FBXO25: variants seen among roughly 807,000 people sequenced by gnomAD.
The protein encoded by FBXO25 is F-box only protein 25.
A neutral mutation model predicts 51.9 loss-of-function variants in FBXO25; 45 were observed. That is an observed-to-expected ratio of 0.87 (90% CI 0.68 to 1.11). The LOEUF is 1.11. Among genes scored for constraint, FBXO25 ranks in the 50% most tolerant of loss-of-function variants. The pLI, the probability that FBXO25 is intolerant of heterozygous loss-of-function variation, is 0.00. For missense variants in FBXO25, 507 were observed against 428.5 expected, an observed-to-expected ratio of 1.18 and a Z score of -1.62; for synonymous variants, 199 against 151.0, an observed-to-expected ratio of 1.32 and a Z score of -2.33.
At chr8:454,305 G>A (rs576011936) in intron 7 of FBXO25, among the ~76,000 whole-genome samples, 1 of 152,304 alleles carries the variant, frequency 6.6e-6, no homozygotes, top group South Asian at 2.1e-4. Context: ...TAATGAATTG[G>A]AAGTGCTTTC....
intron 2 of FBXO25, among the ~76,000 whole-genome samples, chr8:429,000 G>A (rs192391355): frequency 7.9e-5 from 12 of 152,312 alleles, no homozygotes; most frequent in African/African-American, 4.8e-5. Context: ...TGCTATGAAC[G>A]TGGGCATACA....
chr8:440,989 G>A lies in FBXO25; in HGVS notation c.381+5282G>A, dbSNP rs555272851. ...CATTTCCTTTATCCAGTCTATCACT[G>A]ATGGGCATTTGGGTTGGTTCCAAGT... is the stretch of plus-strand genomic sequence containing the variant. On this transcript the variant is annotated intron_variant, in intron 5 of 9. Coordinates refer to ENST00000350302, the MANE Select transcript of FBXO25 (RefSeq NM_183420.2). Among the ~76,000 whole-genome samples, 14 of 147,652 alleles carry A rather than the reference G, an allele frequency of 9.5e-5. No individual in the cohort carries two copies. The South Asian group carries it at 3.0e-3, about 31-fold the overall frequency.
At chr8:407,604 C>T (rs956872577) in intron 1 of FBXO25, among the ~76,000 whole-genome samples, 18 of 152,194 alleles carry the variant, frequency 1.2e-4, no homozygotes, top group African/African-American at 4.3e-4. Context: ...GTCCGCCTCG[C>T]TGGGCAAGGT....
Position 452,814 on chromosome 8 carries a change from C to G in FBXO25, c.660+1361C>G, listed in dbSNP as rs113044955. Among the ~76,000 whole-genome samples, 672 of 152,322 alleles carry G rather than the reference C, an allele frequency of 4.4e-3. 5 individuals are homozygous for G. The highest frequency in any genetic ancestry group is 0.015 in the African/African-American group (639 of 41,562). On this transcript the variant is annotated intron_variant, in intron 7 of 9. Coordinates refer to ENST00000350302, the MANE Select transcript of FBXO25 (RefSeq NM_183420.2). ...CGAAGCTCCAAGGATTGGGCCACAC[C>G]TCACCAAGAGGAGAGAAAGGAGAAA...
chr8:466,763 C>T (rs144919902), intron 9 of FBXO25, among the ~76,000 whole-genome samples: 1 of 152,114 alleles, frequency 6.6e-6, no homozygotes, highest in East Asian at 1.9e-4. Context: ...TCTTTTTTAA[C>T]TTTTCTACCT....
In FBXO25 at chr8:463,125, G is replaced by C; in HGVS notation, c.962G>C (p.Arg321Pro). ...TACGGAGACACACTGCATTTCTGTCGGCACTGCAGCATTCTCTTTTGGAAG... is the reference window on the plus strand; with the variant it reads ...TACGGAGACACACTGCATTTCTGTCCGCACTGCAGCATTCTCTTTTGGAAG... ...EQYGDTLHFC[R>P]HCSILFWKDS... Residue 321 changes from arginine (R) to proline (P), a missense_variant, in exon 9 of 10, where the codon CGG (arginine) becomes CCG (proline). Coordinates refer to ENST00000350302, the MANE Select transcript of FBXO25 (RefSeq NM_183420.2). 1.2e-6 allele frequency: 2 copies of C among 1,612,836 alleles called. No individual in the cohort carries two copies. Among genetic ancestry groups the C allele is most frequent in the Non-Finnish European group, 1.7e-6 (2 of 1,179,790 alleles).
intron 2 of FBXO25, among the ~76,000 whole-genome samples, chr8:419,868 C>G (rs1194335926): frequency 2.0e-5 from 3 of 152,078 alleles, no homozygotes; most frequent in Non-Finnish European, 4.4e-5. Flanking sequence ...AGTCACATAT[C>G]TGACAAAGGG....
chr8:455,859 C>T (rs1043611581), intron 7 of FBXO25, among the ~76,000 whole-genome samples: 2 of 152,180 alleles, frequency 1.3e-5, no homozygotes, highest in South Asian at 4.1e-4. Context: ...TGTCACATTT[C>T]GAGATTTCGT....
chr8:455,192 G>A (rs73669387), intron 7 of FBXO25, among the ~76,000 whole-genome samples: 5,981 of 152,300 alleles, frequency 0.039, 332 homozygotes, highest in African/African-American at 0.12. Context: ...ATTAGGACCA[G>A]ACTCAGGGCT....
At chr8:410,186 A>G (rs1463824390) in intron 1 of FBXO25, among the ~76,000 whole-genome samples, 1 of 152,212 alleles carries the variant, frequency 6.6e-6, no homozygotes, top group Non-Finnish European at 1.5e-5. Flanking sequence ...GATTGTGGAC[A>G]TATCTGTATG....
At chr8:407,589 C>T (rs549609965) in intron 1 of FBXO25, among the ~76,000 whole-genome samples, 260 of 152,174 alleles carry the variant, frequency 1.7e-3, no homozygotes, top group African/African-American at 6.0e-3. Context: ...CAGGCCCGAG[C>T]TTGTGTCCGC....
intron 2 of FBXO25, among the ~76,000 whole-genome samples, chr8:422,539 G>A (rs1282343640): frequency 6.6e-6 from 1 of 152,166 alleles, no homozygotes; most frequent in African/African-American, 2.4e-5. Flanking sequence ...GTTGAGCTGG[G>A]AGTACCATGC....
At chr8:458,903 C>A (rs919268366) in intron 8 of FBXO25, among the ~76,000 whole-genome samples, 1 of 152,194 alleles carries the variant, frequency 6.6e-6, no homozygotes, top group East Asian at 1.9e-4. Context: ...CCAAGCTGCA[C>A]ATCCTTGAAA....
rs1177412114 is a variant in FBXO25, at chr8:472,759, G to A, written c.*3955G>A. Reference sequence around the variant, plus strand: ...TTTTAATGGTTTTTCTTTTCATTGCGAAGGCCTAACTTAGTAGATAAGTGG... The same window carrying A: ...TTTTAATGGTTTTTCTTTTCATTGCAAAGGCCTAACTTAGTAGATAAGTGG... On this transcript the variant is annotated 3_prime_UTR_variant, in exon 10 of 10. Coordinates refer to ENST00000350302, the MANE Select transcript of FBXO25 (RefSeq NM_183420.2). The A allele has an allele frequency of 4.6e-5, 7 of 152,120 alleles. No individual in the cohort carries two copies. The highest frequency in any genetic ancestry group is 2.1e-4 in the South Asian group (1 of 4,830). 9.4% of individuals were successfully genotyped at this position (152,120 alleles called of 1,614,324 possible).
In FBXO25 at chr8:476,174, C is replaced by T. The variant is rs967185732; in HGVS notation, c.*7370C>T. 1 of 152,012 alleles carries T rather than the reference C, an allele frequency of 6.6e-6. No homozygotes were observed. The highest frequency in any genetic ancestry group is 1.5e-5 in the Non-Finnish European group (1 of 68,008). The allele number at this position is 152,012 out of a possible 1,614,324, so 9.4% of individuals were successfully genotyped here. ...ATGTAATAGACATTACATTTATTGA[C>T]TTGAGCATGTTGAAACATCTTTGCA... On this transcript the variant is annotated 3_prime_UTR_variant, in exon 10 of 10. Transcript: ENST00000350302.
intron 2 of FBXO25, among the ~76,000 whole-genome samples, chr8:427,110 A>G (rs1319091233): frequency 6.6e-6 from 1 of 152,204 alleles, no homozygotes; most frequent in East Asian, 1.9e-4. Context: ...GAAAATGTAC[A>G]GATAAAAAGC....
intron 5 of FBXO25, among the ~76,000 whole-genome samples, chr8:447,224 A>G (rs1164928275): frequency 6.6e-6 from 1 of 152,114 alleles, no homozygotes; most frequent in Non-Finnish European, 1.5e-5. Context: ...ACTCAGGGAC[A>G]TGGGCTGTGG....
chr8:447,360 C>A (rs1187358391), intron 5 of FBXO25, among the ~76,000 whole-genome samples: 1 of 152,078 alleles, frequency 6.6e-6, no homozygotes, highest in South Asian at 2.1e-4. Context: ...CTAGGAAGTC[C>A]CACCTCACTC....
intron 7 of FBXO25, among the ~76,000 whole-genome samples, chr8:454,185 A>C (rs936701730): frequency 6.6e-6 from 1 of 152,228 alleles, no homozygotes; most frequent in Non-Finnish European, 1.5e-5. Flanking sequence ...AAGTAAGCAG[A>C]AATTTAGTAT....
Sources: gnomAD v4.1 joint callset for allele counts (sites outside exome capture counted in the v4.1 genomes callset) on GRCh38, gnomAD v4.1.1 for gene constraint, MANE v1.5 for transcripts, NCBI Gene and HGNC (gene_info 2026-07-23, HGNC 2026-07-21) for gene names.